VAV2: variants seen among roughly 807,000 people sequenced by gnomAD.
VAV2 encodes the protein vav guanine nucleotide exchange factor 2.
A neutral mutation model predicts 132.5 loss-of-function variants in VAV2; 67 were observed. The observed-to-expected ratio is 0.51, with a 90% CI of 0.42 to 0.62. The LOEUF (loss-of-function observed/expected upper bound fraction) is 0.62, where lower values mean the gene tolerates loss of function less well. Ranked by LOEUF, VAV2 falls within the 20% of genes least tolerant of loss-of-function variation. VAV2 has a pLI of 0.00. For synonymous variants in VAV2, 492 were observed against 443.5 expected (o/e 1.11, Z -1.37); for missense variants, 938 against 1,153.6 (o/e 0.81, Z 2.71).
chr9:133,809,483 C>T (rs1373944625), intron 6 of VAV2, among the ~76,000 whole-genome samples: 1 of 152,226 alleles, frequency 6.6e-6, no homozygotes, highest in Non-Finnish European at 1.5e-5. Context: ...GAAGCTACCC[C>T]CTCCAGCACA....
chr9:133,972,147 G>A (rs894746607), intron 1 of VAV2, among the ~76,000 whole-genome samples: 12 of 152,116 alleles, frequency 7.9e-5, no homozygotes, highest in African/African-American at 9.7e-5. Flanking sequence ...CCAAGAATTC[G>A]GGCCGCACAG....
chr9:133,992,014 C>A lies in VAV2; in HGVS notation c.204+61G>T. 7.3e-7 allele frequency: 1 copy of A among 1,377,746 alleles called. No individual in the cohort carries two copies. Among genetic ancestry groups the A allele is most frequent in the South Asian group, 1.5e-5 (1 of 65,700 alleles). The allele number at this position is 1,377,746 out of a possible 1,614,324, so 85.3% of individuals were successfully genotyped here. On this transcript the variant is annotated intron_variant, in intron 1 of 29. Coordinates refer to ENST00000371850, the MANE Select transcript of VAV2 (RefSeq NM_001134398.2). This position sits in a 1 kb window ranked among gnomAD's most constrained non-coding sequence, Gnocchi z 5.5. ...CGCCGCTGCGACCTCCGCGTTCAGT[C>A]CGCGCGTCGGGCAGCGCGAACGCCG... is the stretch of plus-strand genomic sequence containing the variant.
At chr9:133,880,278 G>A (rs529775473) in intron 2 of VAV2, among the ~76,000 whole-genome samples, 1 of 152,340 alleles carries the variant, frequency 6.6e-6, no homozygotes, top group African/African-American at 2.4e-5. Context: ...AGCACGGGGA[G>A]GGAGAGTGGG....
intron 29 of VAV2, among the ~76,000 whole-genome samples, chr9:133,766,211 T>C (rs928232684): frequency 7.9e-5 from 12 of 152,178 alleles, no homozygotes; most frequent in African/African-American, 2.2e-4. Flanking sequence ...CAAATGGTAT[T>C]TCTAGTTCTA....
At chr9:133,957,138 T>A (rs1015199371) in intron 1 of VAV2, among the ~76,000 whole-genome samples, 1 of 152,172 alleles carries the variant, frequency 6.6e-6, no homozygotes, top group Non-Finnish European at 1.5e-5. Flanking sequence ...TGATCGTCCC[T>A]GCTTTACCAG....
rs150354676 is a variant in VAV2 at position 133,939,383 on chromosome 9, A to AC, written c.205-165dup. ...GAAATGGGCTCAGAGAGATGACGAAACCCCCCGTCCCAAGGCTGGGGGGTG... is the reference window on the plus strand; with the variant it reads ...GAAATGGGCTCAGAGAGATGACGAAACCCCCCCGTCCCAAGGCTGGGGGGTG... On this transcript the variant is annotated intron_variant, in intron 1 of 29. Coordinates refer to ENST00000371850, the MANE Select transcript of VAV2 (RefSeq NM_001134398.2). The AC allele has an allele frequency of 3.9e-3, 2,660 of 685,588 alleles. 56 individuals carry two copies. In the African/African-American group the frequency reaches 0.041, roughly 11 times the overall value. 42.5% of individuals were successfully genotyped at this position (685,588 alleles called of 1,614,324 possible).
intron 8 of VAV2, 58 bp downstream of exon 8, chr9:133,807,200 G>C (rs1455411356): frequency 6.4e-7 from 1 of 1,564,248 alleles, no homozygotes; most frequent in Admixed American, 1.9e-5. Context: ...GACATGTGTG[G>C]CCAGTGCCGA....
chr9:133,846,170 C>T (rs922087943), intron 3 of VAV2, among the ~76,000 whole-genome samples: 2 of 152,176 alleles, frequency 1.3e-5, no homozygotes, highest in Non-Finnish European at 2.9e-5. Context: ...GAAAGCTGCC[C>T]AAGGAGGCCA....
intron 1 of VAV2, among the ~76,000 whole-genome samples, chr9:133,979,795 T>C (rs1212915492): frequency 6.6e-6 from 1 of 152,100 alleles, no homozygotes; most frequent in Non-Finnish European, 1.5e-5. Flanking sequence ...GGAGCACAGG[T>C]GCTAGTGGTG....
At chr9:133,940,708 T>TGTGTGTGTGTGTGTGTG (rs59859289) in intron 1 of VAV2, among the ~76,000 whole-genome samples, 8 of 149,824 alleles carry the variant, frequency 5.3e-5, no homozygotes, top group South Asian at 2.1e-4. Flanking sequence ...TGTGTGTGTG[T>TGTGTGTGTGTGTGTGTG]TTCTGAACAC....
rs377506392 is a variant in VAV2, at chr9:133,840,709, C to T, written c.381-6369G>A. On this transcript the variant is annotated intron_variant, in intron 3 of 29. Transcript: ENST00000371850. The surrounding 1 kb of genome is among the most constrained non-coding windows in gnomAD (Gnocchi z 4.5). ...GGCACCTGCGTGGGGCTGGCATGGG[C>T]GGCCATTTGTCACTGATTCAGGGAG... Among the ~76,000 whole-genome samples the T allele has an allele frequency of 5.3e-5, 8 of 152,324 alleles. No individual in the cohort carries two copies. The highest frequency in any genetic ancestry group is 2.1e-4 in the South Asian group (1 of 4,826).
At chr9:133,910,668 C>T (rs1440374741) in intron 2 of VAV2, among the ~76,000 whole-genome samples, 3 of 139,392 alleles carry the variant, frequency 2.2e-5, no homozygotes, top group Non-Finnish European at 4.7e-5. Context: ...AAAAAAATTA[C>T]AAAAACTTAG....
At chr9:133,820,965 C>A (rs1352789376) in intron 4 of VAV2, among the ~76,000 whole-genome samples, 1 of 152,214 alleles carries the variant, frequency 6.6e-6, no homozygotes, top group African/African-American at 2.4e-5. Context: ...ACATGGCCCT[C>A]CACGCAATCC....
chr9:133,932,374 C>A (rs990111575), intron 2 of VAV2, among the ~76,000 whole-genome samples: 1 of 152,224 alleles, frequency 6.6e-6, no homozygotes, highest in Admixed American at 6.5e-5. Flanking sequence ...AGCACGCCCA[C>A]CCCGGGCAGC....
chr9:133,918,994 C>T lies in VAV2; in HGVS notation c.321+20109G>A, dbSNP rs1311829796. On this transcript the variant is annotated intron_variant, in intron 2 of 29. Transcript: ENST00000371850. The surrounding 1 kb of genome is among the most constrained non-coding windows in gnomAD (Gnocchi z 4.7). ...TTCACCATGTTGTCCAGGCTGGTCT[C>T]GAACTCCTGACCTTGTGATCCTCCC... 1.3e-4 allele frequency among the ~76,000 whole-genome samples: 20 copies of T among 152,080 alleles called. No homozygotes were observed. Among genetic ancestry groups the T allele is most frequent in the Admixed American group, 9.8e-4 (15 of 15,268 alleles).
chr9:133,969,723 C>T lies in VAV2; in HGVS notation c.204+22352G>A, dbSNP rs1842263928. 6.6e-6 allele frequency among the ~76,000 whole-genome samples: 1 copy of T among 152,130 alleles called. No individual in the cohort carries two copies. The highest frequency in any genetic ancestry group is 2.1e-4 in the South Asian group (1 of 4,832). ...AAGTCCAATCCACCCCAAGCCCACC[C>T]ACTCCTCCTGCGCTCCAGCGGGGCC... On this transcript the variant is annotated intron_variant, in intron 1 of 29. Transcript: ENST00000371850. This position sits in a 1 kb window ranked among gnomAD's most constrained non-coding sequence, Gnocchi z 5.1.
intron 1 of VAV2, among the ~76,000 whole-genome samples, chr9:133,958,023 A>G (rs1156656330): frequency 7.1e-6 from 1 of 140,098 alleles, no homozygotes; most frequent in Non-Finnish European, 1.6e-5. Flanking sequence ...GTTAAGAGTC[A>G]TCACCACTCC....
intron 2 of VAV2, among the ~76,000 whole-genome samples, chr9:133,916,851 G>A (rs926666213): frequency 1.1e-4 from 17 of 152,134 alleles, no homozygotes; most frequent in African/African-American, 4.1e-4. Flanking sequence ...TGGCAGAGTT[G>A]AAGAGAATGT....
In VAV2 at chr9:133,895,266, T is replaced by C. The variant is rs185465117; in HGVS notation, c.322-33834A>G. ...CGCAGGAGAATTAAAGACACAGTTA[T>C]AGGTGCAGCTCCTGGGGGAGGCCTG... is the stretch of plus-strand genomic sequence containing the variant. On this transcript the variant is annotated intron_variant, in intron 2 of 29. Coordinates refer to ENST00000371850, the MANE Select transcript of VAV2 (RefSeq NM_001134398.2). Among the ~76,000 whole-genome samples the C allele has an allele frequency of 6.0e-5, 9 of 151,206 alleles. 1 individual carries two copies. The East Asian group carries it at 1.2e-3, about 20-fold the overall frequency.
Sources: allele counts gnomAD v4.1 joint callset (sites outside exome capture counted in the v4.1 genomes callset), GRCh38; gene constraint gnomAD v4.1.1; non-coding constraint Gnocchi (gnomAD v3.1); transcripts MANE v1.5; gene names NCBI Gene and HGNC (gene_info 2026-07-23, HGNC 2026-07-21).